PKHD1L1: variants seen among roughly 807,000 people sequenced by gnomAD.
PKHD1L1 encodes the protein PKHD1 like 1.
Under a neutral mutation model 462.9 loss-of-function variants are expected in PKHD1L1, and 434 were observed. The observed-to-expected ratio is 0.94, with a 90% CI of 0.87 to 1.02. PKHD1L1 has a LOEUF of 1.02. Among genes scored for constraint, PKHD1L1 ranks in the 50% least tolerant of loss-of-function variants. The pLI is 0.00. For synonymous variants in PKHD1L1, 1,781 were observed against 1,750.0 expected, an observed-to-expected ratio of 1.02 and a Z score of -0.44; for missense variants, 5,202 against 5,096.1, an observed-to-expected ratio of 1.02 and a Z score of -0.63.
At chr8:109,410,047 A>G in intron 19 of PKHD1L1, 69 bp downstream of exon 19, 1 of 851,662 alleles carries the variant, frequency 1.2e-6, no homozygotes, top group Non-Finnish European at 1.7e-6. Flanking sequence ...AAATTTTATA[A>G]TTTCTCTTCT....
At position 109,536,120 on chromosome 8, in the gene PKHD1L1, T is replaced by C. The variant is rs1821142508; in HGVS notation, c.*6030T>C. 6.6e-6 allele frequency among the ~76,000 whole-genome samples: 1 copy of C among 152,188 alleles called. No individual in the cohort carries two copies. Among genetic ancestry groups the C allele is most frequent in the South Asian group, 2.1e-4 (1 of 4,832 alleles). ...ATGACATAAAATTCACCTCTATTTC[T>C]TGGAAGCACTATTCCATGTTGTGAG... On this transcript the variant is annotated 3_prime_UTR_variant, in exon 78 of 78. Coordinates refer to ENST00000378402, the MANE Select transcript of PKHD1L1 (RefSeq NM_177531.6).
intron 33 of PKHD1L1, 51 bp downstream of exon 33, chr8:109,440,903 G>A (rs73309306): frequency 3.3e-5 from 52 of 1,564,552 alleles, no homozygotes; most frequent in Non-Finnish European, 4.1e-5. Flanking sequence ...CAGCTTAAAG[G>A]ATATACTACA....
At position 109,364,498 on chromosome 8, in the gene PKHD1L1, A is replaced by T. The variant is rs767483127; in HGVS notation, c.74-49A>T. On this transcript the variant is annotated intron_variant, in intron 1 of 77. Coordinates refer to ENST00000378402, the MANE Select transcript of PKHD1L1 (RefSeq NM_177531.6). ...TGTGTTACAAATTTTGATGACTGAA[A>T]TGAAGAACTTGGTGATTTTTACCTC... 40 of 1,281,066 alleles carry T rather than the reference A, an allele frequency of 3.1e-5. 1 individual carries two copies. The highest frequency in any genetic ancestry group is 4.2e-5 in the Non-Finnish European group (38 of 908,036). The allele number at this position is 1,281,066 out of a possible 1,614,324, so 79.4% of individuals were successfully genotyped here. A position where few individuals can be genotyped will look rare whatever the true frequency, so the allele number is the denominator to read the frequency against.
At chr8:109,378,420 A>C (rs945600506) in intron 2 of PKHD1L1, among the ~76,000 whole-genome samples, 1 of 152,062 alleles carries the variant, frequency 6.6e-6, no homozygotes, top group Admixed American at 6.6e-5. Context: ...CTTCACCCAT[A>C]CTTCTTCAAC....
intron 17 of PKHD1L1, among the ~76,000 whole-genome samples, chr8:109,406,726 T>G (rs1813569966): frequency 6.6e-6 from 1 of 152,130 alleles, no homozygotes; most frequent in Non-Finnish European, 1.5e-5. Context: ...TATAAATTAG[T>G]AAAAACTAGT....
At chr8:109,390,280 G>T (rs185814305) in intron 8 of PKHD1L1, among the ~76,000 whole-genome samples, 172 bp from the exon 9 acceptor site, 1 of 152,064 alleles carries the variant, frequency 6.6e-6, no homozygotes, top group Non-Finnish European at 1.5e-5. Flanking sequence ...TTTATATAGT[G>T]GCTGCTTTAG....
At chr8:109,443,291 G>A (rs944469075) in intron 36 of PKHD1L1, among the ~76,000 whole-genome samples, 175 bp downstream of exon 36, 14 of 152,102 alleles carry the variant, frequency 9.2e-5, no homozygotes, top group African/African-American at 3.1e-4. Flanking sequence ...AGTAAGGATC[G>A]CATTAATGTC....
Position 109,425,191 on chromosome 8 carries a change from G to T in PKHD1L1, c.2804G>T (p.Ser935Ile), listed in dbSNP as rs754235505. 3.7e-6 allele frequency: 6 copies of T among 1,607,492 alleles called. No individual in the cohort carries two copies. In the African/African-American group the frequency reaches 6.7e-5, roughly 18 times the overall value. ...ATTCAAGCTGCATCTCCACCTCTAA[G>T]TGGCAGCTTTGACATTCAAGCTTAT... ...QRIQAASPPLSGSFDIQAYGH... is the reference protein window; with the variant it reads ...QRIQAASPPLIGSFDIQAYGH... Residue 935 changes from serine to isoleucine, a missense_variant, in exon 24 of 78, where the codon AGT becomes ATT. Physicochemically the swap from Ser to Ile is moderately radical, Grantham distance 142. Around this residue, in one of 3 missense-constraint regions of PKHD1L1, gnomAD observed 4,497 missense variants for 4,336.8 expected, o/e 1.04. Coordinates refer to ENST00000378402, the MANE Select transcript of PKHD1L1 (RefSeq NM_177531.6).
chr8:109,393,902 C>T (rs766316921), intron 9 of PKHD1L1, among the ~76,000 whole-genome samples: 3 of 152,008 alleles, frequency 2.0e-5, no homozygotes, highest in Admixed American at 1.3e-4. Context: ...TAGGGCCGGG[C>T]GCGGTGGCTC....
chr8:109,514,659 A>T (rs1820171099), intron 71 of PKHD1L1, among the ~76,000 whole-genome samples: 1 of 152,178 alleles, frequency 6.6e-6, no homozygotes, highest in South Asian at 2.1e-4. Context: ...CTTTATGATC[A>T]TAGCTGAGAG....
intron 50 of PKHD1L1, chr8:109,470,691 A>T: frequency 1.3e-6 from 2 of 1,583,392 alleles, no homozygotes; most frequent in Middle Eastern, 4.7e-4. Flanking sequence ...AGGAAAAAGG[A>T]ATGGCAAATC....
intron 46 of PKHD1L1, among the ~76,000 whole-genome samples, chr8:109,457,413 T>C (rs1260019415): frequency 2.0e-5 from 3 of 152,168 alleles, no homozygotes; most frequent in Non-Finnish European, 4.4e-5. Flanking sequence ...TTATGGCTTT[T>C]TGTATGAAAT....
rs1357627720 is a variant in PKHD1L1, at chr8:109,420,540, T to C, written c.2547T>C (p.Pro849=). 2.5e-6 allele frequency: 4 copies of C among 1,597,448 alleles called. No homozygotes were observed. The highest frequency in any genetic ancestry group is 3.4e-6 in the Non-Finnish European group (4 of 1,173,928). ...TAGAAATGCCCAAGAGAAGACTTCC[T>C]GCATTAGCAAATAAAGGAATATTCT... ...TLDEMPKRRL[P]ALANKGIFLE... The change falls in exon 23 of 78, where the codon CCT becomes CCC. Residue 849 remains proline (P), a synonymous_variant. Coordinates refer to ENST00000378402, the MANE Select transcript of PKHD1L1 (RefSeq NM_177531.6).
intron 14 of PKHD1L1, 136 bp downstream of exon 14, chr8:109,401,724 C>T: frequency 2.0e-6 from 1 of 512,578 alleles, no homozygotes; most frequent in Non-Finnish European, 3.4e-6. Context: ...TGGTCATTCT[C>T]TATAATTTTA....
intron 20 of PKHD1L1, among the ~76,000 whole-genome samples, chr8:109,413,213 G>T (rs1813951437): frequency 6.6e-6 from 1 of 151,968 alleles, no homozygotes; most frequent in South Asian, 2.1e-4. Context: ...TAATTGTAAG[G>T]TCACCTCAAC....
chr8:109,472,658 T>A (rs371965259), intron 50 of PKHD1L1, among the ~76,000 whole-genome samples: 2 of 152,228 alleles, frequency 1.3e-5, no homozygotes, highest in African/African-American at 2.4e-5. Context: ...GTTGCAATAC[T>A]CAGACCACAT....
rs1816283247 is a variant in PKHD1L1, at chr8:109,448,393, T to TA, written c.6025+3dup. On this transcript the variant is annotated splice_region_variant and intron_variant, in intron 39 of 77. Coordinates refer to ENST00000378402, the MANE Select transcript of PKHD1L1 (RefSeq NM_177531.6). ...TTCAAAATATTAATCCAAGCCAAGG[T>TA]AGTCATAAGTATGCAAGAACCTGCA... 1 of 1,603,534 alleles carries TA rather than the reference T, an allele frequency of 6.2e-7. No individual in the cohort carries two copies. Among genetic ancestry groups the TA allele is most frequent in the East Asian group, 2.2e-5 (1 of 44,650 alleles).
intron 50 of PKHD1L1, among the ~76,000 whole-genome samples, chr8:109,469,962 G>T (rs961651741): frequency 6.6e-6 from 1 of 152,092 alleles, no homozygotes; most frequent in Non-Finnish European, 1.5e-5. Flanking sequence ...CTGTATCATA[G>T]AATAGTTTCT....
intron 3 of PKHD1L1, 127 bp downstream of exon 3, chr8:109,381,641 G>A (rs1812122208): frequency 1.4e-6 from 1 of 714,382 alleles, no homozygotes; most frequent in South Asian, 3.1e-5. Context: ...TTATAGGTTA[G>A]TATTTTTCAT....
Sources: allele counts gnomAD v4.1 joint callset (sites outside exome capture counted in the v4.1 genomes callset), GRCh38; gene constraint gnomAD v4.1.1; regional missense constraint gnomAD v4.1.1; transcripts MANE v1.5; gene names NCBI Gene and HGNC (gene_info 2026-07-23, HGNC 2026-07-21).